The following GNA14 variants were observed in gnomAD, a reference collection of about 807,000 sequenced individuals.
GNA14 encodes G protein subunit alpha 14.
Under a neutral mutation model 42.0 loss-of-function variants are expected in GNA14, and 50 were observed. That is an observed-to-expected ratio of 1.19 (90% confidence interval 0.95 to 1.51). GNA14 has a LOEUF of 1.51. Among genes scored for constraint, GNA14 ranks in the 40% most tolerant of loss-of-function variants. The probability of loss-of-function intolerance (pLI) is 0.00; values close to 1 mark genes in which losing one functional copy is unlikely to be tolerated. For missense variants in GNA14, 473 were observed against 446.2 expected (o/e 1.06, Z -0.54); for synonymous variants, 173 against 163.1 (o/e 1.06, Z -0.46).
At chr9:77,555,878 G>A (rs538494897) in intron 1 of GNA14, among the ~76,000 whole-genome samples, 11 of 152,288 alleles carry the variant, frequency 7.2e-5, no homozygotes, top group African/African-American at 2.6e-4. Context: ...GCAGTGCTGA[G>A]TGAAAAAATA....
At chr9:77,571,610 G>T (rs1235859016) in intron 1 of GNA14, among the ~76,000 whole-genome samples, 1 of 152,112 alleles carries the variant, frequency 6.6e-6, no homozygotes, top group African/African-American at 2.4e-5. Context: ...AGACCAGCCT[G>T]ACCAACATGG....
At chr9:77,586,484 T>G (rs1823304848) in intron 1 of GNA14, among the ~76,000 whole-genome samples, 1 of 152,216 alleles carries the variant, frequency 6.6e-6, no homozygotes, top group South Asian at 2.1e-4. Context: ...CATAGTTGTC[T>G]GGGGTAAATA....
chr9:77,581,694 T>C (rs1823226446), intron 1 of GNA14, among the ~76,000 whole-genome samples: 1 of 152,184 alleles, frequency 6.6e-6, no homozygotes, highest in South Asian at 2.1e-4. Flanking sequence ...TCACTGAAGT[T>C]GTATCTCAAG....
Position 77,647,836 on chromosome 9 carries a change from GCACCCGAATCCTCGGCCCGGCCGCT to G in GNA14, c.-68_-44del, listed in dbSNP as rs1824385214. 6.3e-7 allele frequency: 1 copy of G among 1,585,566 alleles called. No homozygotes were observed. Among genetic ancestry groups the G allele is most frequent in the Non-Finnish European group, 8.5e-7 (1 of 1,170,438 alleles). On this transcript the variant is annotated 5_prime_UTR_variant, in exon 1 of 7. It removes the in-frame stop codon of an upstream open reading frame in the 5' UTR. Coordinates refer to ENST00000341700, the MANE Select transcript of GNA14 (RefSeq NM_004297.4). ...ACCCGACGGGGCGACGCGGCCCCGG[GCACCCGAATCCTCGGCCCGGCCGCT>G]CACCCGGCCAGCATGCGACGGGCAC...
chr9:77,575,177 C>A (rs1245878744), intron 1 of GNA14, among the ~76,000 whole-genome samples: 1 of 152,208 alleles, frequency 6.6e-6, no homozygotes, highest in Non-Finnish European at 1.5e-5. Context: ...GACTTCATAT[C>A]TGGCTAGAAT....
chr9:77,521,955 C>G (rs1447862596), intron 2 of GNA14, among the ~76,000 whole-genome samples: 7 of 152,122 alleles, frequency 4.6e-5, no homozygotes, highest in Admixed American at 4.6e-4. Context: ...GCCTCAGCCT[C>G]CAGAGTAGCT....
intron 2 of GNA14, among the ~76,000 whole-genome samples, chr9:77,440,039 A>G (rs1430753925): frequency 2.6e-5 from 4 of 152,224 alleles, no homozygotes; most frequent in Non-Finnish European, 5.9e-5. Flanking sequence ...CATTTAATTG[A>G]AAAAAATATC....
chr9:77,434,833 A>G (rs1239343893), intron 2 of GNA14, among the ~76,000 whole-genome samples: 1 of 152,168 alleles, frequency 6.6e-6, no homozygotes, highest in East Asian at 1.9e-4. Flanking sequence ...ATAAAGAGTC[A>G]CTGGAGCTTT....
chr9:77,469,365 T>TAA lies in GNA14; in HGVS notation c.310-34845_310-34844dup, dbSNP rs10537760. On this transcript the variant is annotated intron_variant, in intron 2 of 6. Transcript: ENST00000341700. ...GAATTAGTCCTAGGATAAACTGTGT[T>TAA]AAAAAAAAAAAAAAAAAAAAAAAGA... is the stretch of plus-strand genomic sequence containing the variant. Among the ~76,000 whole-genome samples the TAA allele has an allele frequency of 3.5e-3, 410 of 116,902 alleles. 2 individuals are homozygous for TAA. Among genetic ancestry groups the TAA allele is most frequent in the African/African-American group, 5.1e-3 (161 of 31,582 alleles). The allele number at this position is 116,902 out of a possible 152,430, so 76.7% of individuals were successfully genotyped here.
At chr9:77,593,060 G>T (rs894072489) in intron 1 of GNA14, among the ~76,000 whole-genome samples, 2 of 151,880 alleles carry the variant, frequency 1.3e-5, no homozygotes, top group African/African-American at 4.8e-5. Context: ...CTACTGTGGG[G>T]GAGAAGGAGT....
At chr9:77,551,838 G>A (rs1007403068) in intron 1 of GNA14, among the ~76,000 whole-genome samples, 4 of 151,992 alleles carry the variant, frequency 2.6e-5, no homozygotes, top group African/African-American at 9.7e-5. Flanking sequence ...TGCAAATACA[G>A]CCTTAATATA....
At chr9:77,592,884 C>T (rs985894754) in intron 1 of GNA14, among the ~76,000 whole-genome samples, 2 of 152,142 alleles carry the variant, frequency 1.3e-5, no homozygotes, top group African/African-American at 2.4e-5. Flanking sequence ...TACAAGCAGG[C>T]ATTTGATTAA....
At chr9:77,504,658 G>A (rs1028326899) in intron 2 of GNA14, among the ~76,000 whole-genome samples, 56 of 129,884 alleles carry the variant, frequency 4.3e-4, no homozygotes, top group Admixed American at 3.9e-3. Flanking sequence ...AAGTCTGGCC[G>A]ACTTTTTTTT....
At chr9:77,465,962 G>A (rs1836215165) in intron 2 of GNA14, among the ~76,000 whole-genome samples, 1 of 152,094 alleles carries the variant, frequency 6.6e-6, no homozygotes, top group Admixed American at 6.5e-5. Context: ...TTTTCCAGTG[G>A]GAATTCTGCT....
intron 1 of GNA14, among the ~76,000 whole-genome samples, chr9:77,610,550 C>CCA (rs891195045): frequency 6.6e-6 from 1 of 152,084 alleles, no homozygotes; most frequent in Non-Finnish European, 1.5e-5. Flanking sequence ...CCTAAAGGCC[C>CCA]CACTTCCAAA....
At chr9:77,491,968 C>T (rs1836783816) in intron 2 of GNA14, among the ~76,000 whole-genome samples, 1 of 152,046 alleles carries the variant, frequency 6.6e-6, no homozygotes. Context: ...CTTTTCTGAC[C>T]ATGATGGAAT....
chr9:77,648,202 G>GC lies in GNA14; in HGVS notation c.-410dup, dbSNP rs1429772232. The GC allele has an allele frequency of 4.0e-6, 1 of 250,436 alleles. No homozygotes were observed. Among genetic ancestry groups the GC allele is most frequent in the Non-Finnish European group, 7.7e-6 (1 of 130,148 alleles). 15.5% of individuals were successfully genotyped at this position (250,436 alleles called of 1,614,324 possible). A position where few individuals can be genotyped will look rare whatever the true frequency, so the allele number is the denominator to read the frequency against. ...CTCGGGGGAGAGTAGGATCTCCTGG[G>GC]CCTAGGGGTGTCCCCAGGCGGGAGG... On this transcript the variant is annotated 5_prime_UTR_variant, in exon 1 of 7. Coordinates refer to ENST00000341700, the MANE Select transcript of GNA14 (RefSeq NM_004297.4).
chr9:77,496,740 C>T (rs1836877121), intron 2 of GNA14, among the ~76,000 whole-genome samples: 1 of 152,148 alleles, frequency 6.6e-6, no homozygotes, highest in Admixed American at 6.5e-5. Flanking sequence ...AACAATGTAC[C>T]TCTTCAGGAA....
intron 1 of GNA14, among the ~76,000 whole-genome samples, chr9:77,586,128 T>C (rs1823297972): frequency 1.3e-5 from 2 of 152,110 alleles, no homozygotes; most frequent in Non-Finnish European, 2.9e-5. Context: ...CTGGAACAGA[T>C]ACATCACTTA....
Sources: allele counts gnomAD v4.1 joint callset (sites outside exome capture counted in the v4.1 genomes callset), GRCh38; gene constraint gnomAD v4.1.1; transcripts MANE v1.5; gene names NCBI Gene and HGNC (gene_info 2026-07-23, HGNC 2026-07-21).